SCYL2: variants seen among roughly 807,000 people sequenced by gnomAD.
SCYL2 encodes SCY1 like pseudokinase 2.
A neutral mutation model predicts 100.4 loss-of-function variants in SCYL2; 36 were observed. The observed-to-expected ratio is 0.36, with a 90% confidence interval of 0.27 to 0.47. The LOEUF is 0.47. Ranked by LOEUF, SCYL2 falls within the 20% of genes least tolerant of loss-of-function variation. SCYL2 has a pLI of 1.00. For missense variants in SCYL2, 902 were observed against 1,083.9 expected (o/e 0.83, Z 2.36); for synonymous variants, 330 against 359.2 (o/e 0.92, Z 0.92).
chr12:100,276,582 C>T (rs1192583135), intron 1 of SCYL2, among the ~76,000 whole-genome samples: 1 of 152,190 alleles, frequency 6.6e-6, no homozygotes, highest in African/African-American at 2.4e-5. Context: ...AAGTGATCCT[C>T]CTGCTTTAGT....
At chr12:100,278,044 C>T (rs1417719356) in intron 1 of SCYL2, among the ~76,000 whole-genome samples, 1 of 151,978 alleles carries the variant, frequency 6.6e-6, no homozygotes, top group East Asian at 1.9e-4. Context: ...GTTACAGTTT[C>T]TTCTGCATAT....
At chr12:100,336,008 G>A (rs1952272655) in intron 16 of SCYL2, 102 bp downstream of exon 16, 1 of 800,896 alleles carries the variant, frequency 1.2e-6, no homozygotes. Flanking sequence ...AGCTTAACAA[G>A]AAACATTTGT....
intron 10 of SCYL2, among the ~76,000 whole-genome samples, chr12:100,322,183 T>TAACACAGTGA (rs2096356649): frequency 6.6e-6 from 1 of 150,662 alleles, no homozygotes; most frequent in Non-Finnish European, 1.5e-5. Flanking sequence ...CCATCCTGGC[T>TAACACAGTGA]AACACAGTGA....
chr12:100,281,850 A>G (rs1348609863), intron 1 of SCYL2, among the ~76,000 whole-genome samples: 1 of 151,724 alleles, frequency 6.6e-6, no homozygotes, highest in Admixed American at 6.6e-5. Flanking sequence ...AAAAAAAAAA[A>G]GAAAGTACAA....
chr12:100,285,295 A>G (rs1228614036), intron 2 of SCYL2, among the ~76,000 whole-genome samples: 1 of 152,210 alleles, frequency 6.6e-6, no homozygotes, highest in Admixed American at 6.5e-5. Context: ...ATGCATTTGT[A>G]TATACTCTTG....
At chr12:100,293,466 G>C (rs2096312925) in intron 3 of SCYL2, among the ~76,000 whole-genome samples, 1 of 151,898 alleles carries the variant, frequency 6.6e-6, no homozygotes, top group Non-Finnish European at 1.5e-5. Context: ...AGCGTCTCTA[G>C]TGTCACCTAT....
chr12:100,312,548 G>A lies in SCYL2; in HGVS notation c.747G>A (p.Met249Ile), dbSNP rs1008368931. The A allele has an allele frequency of 1.2e-6, 2 of 1,612,884 alleles. No homozygotes were observed. Among genetic ancestry groups the A allele is most frequent in the African/African-American group, 2.7e-5 (2 of 75,004 alleles). Residue 249 changes from methionine (M) to isoleucine (I), a missense_variant, in exon 6 of 18, where the codon ATG becomes ATA. By Grantham distance (10) the Met-to-Ile change is conservative. Coordinates refer to ENST00000360820, the MANE Select transcript of SCYL2 (RefSeq NM_017988.6). The part of the protein sequence containing the change: ...LSVSCETASD[M>I]YSLGTVMYAV... ...TGAGCTGTGAAACAGCCAGTGATAT[G>A]TATTCTTTAGGAACTGTTATGTATG...
Position 100,340,977 on chromosome 12 carries a change from G to A in SCYL2, c.*1805G>A, listed in dbSNP as rs1952345746. 6.6e-6 allele frequency: 1 copy of A among 152,014 alleles called. No individual in the cohort carries two copies. The highest frequency in any genetic ancestry group is 1.5e-5 in the Non-Finnish European group (1 of 67,938). The allele number at this position is 152,014 out of a possible 1,614,324, so 9.4% of individuals were successfully genotyped here. On this transcript the variant is annotated 3_prime_UTR_variant, in exon 18 of 18. Coordinates refer to ENST00000360820, the MANE Select transcript of SCYL2 (RefSeq NM_017988.6). ...CAATTTAGTAGTCACTGTTTATTGAGAAATTGTTTTTTATTTTGTAAAATA... is the reference window on the plus strand; with the variant it reads ...CAATTTAGTAGTCACTGTTTATTGAAAAATTGTTTTTTATTTTGTAAAATA...
At chr12:100,275,689 CTTGG>C (rs2096291799) in intron 1 of SCYL2, among the ~76,000 whole-genome samples, 1 of 151,996 alleles carries the variant, frequency 6.6e-6, no homozygotes, top group African/African-American at 2.4e-5. Context: ...GCTTTATTGC[CTTGG>C]TTAGGACCTT....
At chr12:100,314,706 A>ATG in intron 8 of SCYL2, 92 bp downstream of exon 8, 1 of 1,274,018 alleles carries the variant, frequency 7.8e-7, no homozygotes, top group African/African-American at 1.6e-5. Context: ...AGAAAATAAT[A>ATG]TAACTTTGCC....
At position 100,335,881 on chromosome 12, in the gene SCYL2, A is replaced by C; in HGVS notation, c.2000A>C (p.Asp667Ala). ...LTGSESENKEDGLQNKHKRAS... is the reference protein window; with the variant it reads ...LTGSESENKEAGLQNKHKRAS... ...GGCAGTGAGTCCGAAAATAAAGAGG[A>C]CGGGTTACAGAATAAACATAAAAGA... Residue 667 changes from aspartate to alanine, a missense_variant, in exon 16 of 18, where the codon GAC (aspartate) becomes GCC (alanine). By Grantham distance (126) the Asp-to-Ala change is moderately radical. Transcript: ENST00000360820. The C allele has an allele frequency of 6.2e-7, 1 of 1,613,068 alleles. No individual in the cohort carries two copies.
intron 4 of SCYL2, among the ~76,000 whole-genome samples, chr12:100,310,514 C>G (rs1334356124): frequency 3.9e-5 from 6 of 152,178 alleles, no homozygotes; most frequent in Non-Finnish European, 7.3e-5. Context: ...GAAATCTAAC[C>G]TTTAGTTTTG....
Position 100,281,019 on chromosome 12 carries a change from G to GTTTTGTTTTTTTTTTTTTTTTTTTTT in SCYL2, c.-28-1920_-28-1919insGTTTTTTTTTTTTTTTTTTTTTTTTT, listed in dbSNP as rs2096297553. On this transcript the variant is annotated intron_variant, in intron 1 of 17. Coordinates refer to ENST00000360820, the MANE Select transcript of SCYL2 (RefSeq NM_017988.6). ...ATTTTATTGTCCCTTTACCATCAGT[G>GTTTTGTTTTTTTTTTTTTTTTTTTTT]TTTTTTTTTTTTTTTTTTTTTTTTT... Among the ~76,000 whole-genome samples, 5 of 50,466 alleles carry GTTTTGTTTTTTTTTTTTTTTTTTTTT rather than the reference G, an allele frequency of 9.9e-5. 1 individual carries two copies. Among genetic ancestry groups the GTTTTGTTTTTTTTTTTTTTTTTTTTT allele is most frequent in the African/African-American group, 3.4e-4 (5 of 14,500 alleles). 33.1% of individuals were successfully genotyped at this position (50,466 alleles called of 152,430 possible).
intron 3 of SCYL2, among the ~76,000 whole-genome samples, chr12:100,297,162 A>G (rs1040012243): frequency 1.7e-4 from 26 of 152,188 alleles, no homozygotes; most frequent in African/African-American, 6.0e-4. Flanking sequence ...TGGTAATTAT[A>G]ATAGCAATGG....
At chr12:100,327,318 T>C in intron 12 of SCYL2, 1 of 196,218 alleles carries the variant, frequency 5.1e-6, no homozygotes, top group Non-Finnish European at 1.1e-5. Context: ...ATGAAGCATG[T>C]TAACCTTATA....
chr12:100,284,088 A>G (rs1414341505), intron 2 of SCYL2, among the ~76,000 whole-genome samples: 1 of 152,226 alleles, frequency 6.6e-6, no homozygotes, highest in Non-Finnish European at 1.5e-5. Context: ...TCTAGCACAA[A>G]TTGCTTTTAC....
At chr12:100,319,880 A>G (rs1370981356) in intron 10 of SCYL2, among the ~76,000 whole-genome samples, 2 of 152,252 alleles carry the variant, frequency 1.3e-5, no homozygotes, top group Non-Finnish European at 1.5e-5. Context: ...AGGTTCTTGC[A>G]AATAGTAGGC....
chr12:100,291,107 C>T (rs2096310048), intron 2 of SCYL2, among the ~76,000 whole-genome samples: 1 of 152,204 alleles, frequency 6.6e-6, no homozygotes, highest in South Asian at 2.1e-4. Flanking sequence ...CCCTGACTTA[C>T]AACCTTTCTT....
At chr12:100,314,412 A>G (rs994683054) in intron 7 of SCYL2, 77 bp from the exon 8 acceptor site, 5 of 1,057,898 alleles carry the variant, frequency 4.7e-6, no homozygotes, top group Admixed American at 5.8e-5. Context: ...TTTTTTTACC[A>G]TATTGTGACA....
Sources: gnomAD v4.1 joint callset for allele counts (sites outside exome capture counted in the v4.1 genomes callset) on GRCh38, gnomAD v4.1.1 for gene constraint, MANE v1.5 for transcripts, NCBI Gene and HGNC (gene_info 2026-07-23, HGNC 2026-07-21) for gene names.